MYH13: variants seen among roughly 807,000 people sequenced by gnomAD.
MYH13 encodes myosin heavy chain 13.
A neutral mutation model predicts 232.1 loss-of-function variants in MYH13; 177 were observed. The ratio of observed to expected loss-of-function variants is 0.76; its 90% confidence interval spans 0.67 to 0.86. The LOEUF (loss-of-function observed/expected upper bound fraction) is 0.86, where lower values mean the gene tolerates loss of function less well. Ranked by LOEUF, MYH13 falls within the 40% of genes least tolerant of loss-of-function variation. The pLI is 0.00. For synonymous variants in MYH13, 884 were observed against 923.5 expected (o/e 0.96, Z 0.78); for missense variants, 2,246 against 2,405.9 (o/e 0.93, Z 1.39).
Position 10,349,837 on chromosome 17 carries a change from C to T in MYH13, c.1144+719G>A, listed in dbSNP as rs181485612. On this transcript the variant is annotated intron_variant, in intron 12 of 40. Transcript: ENST00000252172. Reference sequence around the variant, plus strand: ...TTTTATTACTTGAGAGTTTAAAGCGCACTGCTTCACATACTGTGGGGCTGT... The same window carrying T: ...TTTTATTACTTGAGAGTTTAAAGCGTACTGCTTCACATACTGTGGGGCTGT... Among the ~76,000 whole-genome samples the T allele has an allele frequency of 3.8e-3, 572 of 152,258 alleles. 9 individuals carry two copies. The highest frequency in any genetic ancestry group is 0.013 in the African/African-American group (556 of 41,544).
rs753413014 is a variant in MYH13, at chr17:10,319,047, T to C, written c.3481A>G (p.Thr1161Ala). 6.2e-6 allele frequency: 10 copies of C among 1,614,052 alleles called. No homozygotes were observed. Among genetic ancestry groups the C allele is most frequent in the Non-Finnish European group, 6.8e-6 (8 of 1,180,046 alleles). The change falls in exon 27 of 41, where the codon ACT becomes GCT. Residue 1161 changes from threonine to alanine, a missense_variant. Thr to Ala is a moderately conservative substitution (Grantham distance 58, BLOSUM62 0). Transcript: ENST00000252172. ...TTGTTCATCTCAATCTGGGCTGAAG[T>C]GGCCCCACTGGCTTCTTCCAGCCTC... The part of the protein sequence containing the change: ...SERLEEASGA[T>A]SAQIEMNKKR...
Position 10,319,096 on chromosome 17 carries a change from G to A in MYH13, c.3432C>T (p.Ala1144=), listed in dbSNP as rs1906835423. 6.2e-7 allele frequency: 1 copy of A among 1,614,108 alleles called. No homozygotes were observed. The change falls in exon 27 of 41, where the codon GCC becomes GCT. Residue 1144 remains alanine, a synonymous_variant. Coordinates refer to ENST00000252172, the MANE Select transcript of MYH13 (RefSeq NM_003802.3). Reference sequence around the variant, plus strand: ...TCTCGCTGATCTCCTCCAGTTCCCTGGCCAGATCTGAGCGCTGCTTCTCAA... The same window carrying A: ...TCTCGCTGATCTCCTCCAGTTCCCTAGCCAGATCTGAGCGCTGCTTCTCAA... ...AKIEKQRSDL[A]RELEEISERL...
At chr17:10,322,222 C>T (rs1906973078) in intron 23 of MYH13, among the ~76,000 whole-genome samples, 1 of 124,688 alleles carries the variant, frequency 8.0e-6, no homozygotes, top group Non-Finnish European at 1.7e-5. Flanking sequence ...GAAACCTCGT[C>T]TCTACTAAAA....
Position 10,362,413 on chromosome 17 carries a change from C to G in MYH13, c.295G>C (p.Glu99Gln), listed in dbSNP as rs754959075. The stretch of plus-strand genomic sequence containing the variant: ...TTGAGGTTGTACAGAACAGCAGGTT[C>G]ATGCAGGTGAGTCATCATGGCCATG... ...EDMAMMTHLH[E>Q]PAVLYNLKER... Residue 99 changes from glutamate to glutamine, a missense_variant, in exon 4 of 41, where the codon GAA becomes CAA. Glu to Gln is a conservative substitution (Grantham distance 29, BLOSUM62 2). Coordinates refer to ENST00000252172, the MANE Select transcript of MYH13 (RefSeq NM_003802.3). 1 of 1,614,178 alleles carries G rather than the reference C, an allele frequency of 6.2e-7. No individual in the cohort carries two copies. Among genetic ancestry groups the G allele is most frequent in the Non-Finnish European group, 8.5e-7 (1 of 1,180,028 alleles).
intron 29 of MYH13, 69 bp downstream of exon 29, chr17:10,315,624 G>T: frequency 7.2e-7 from 1 of 1,394,054 alleles, no homozygotes; most frequent in Non-Finnish European, 1.0e-6. Context: ...GCACTGCTCT[G>T]ACCAGCTTCA....
intron 22 of MYH13, among the ~76,000 whole-genome samples, chr17:10,325,739 C>T (rs763168838): frequency 4.6e-5 from 7 of 152,286 alleles, no homozygotes; most frequent in African/African-American, 7.2e-5. Context: ...TGCAGTGGCG[C>T]GATCTCGGCT....
At chr17:10,319,518 AAAG>A (rs1343210369) in intron 26 of MYH13, among the ~76,000 whole-genome samples, 21 of 116,994 alleles carry the variant, frequency 1.8e-4, no homozygotes, top group Non-Finnish European at 1.5e-4. Context: ...CAAAAAAAAA[AAAG>A]AAGAATACAT....
chr17:10,348,388 G>A (rs1009086161), intron 12 of MYH13, among the ~76,000 whole-genome samples: 6 of 152,224 alleles, frequency 3.9e-5, no homozygotes, highest in Non-Finnish European at 7.3e-5. Context: ...TTAGGTTTAG[G>A]TTTTGGTTTT....
chr17:10,322,533 C>T (rs1353938176), intron 23 of MYH13, among the ~76,000 whole-genome samples: 1 of 152,024 alleles, frequency 6.6e-6, no homozygotes, highest in East Asian at 1.9e-4. Flanking sequence ...GCTTCCAGAT[C>T]AGAAGTTGCT....
At chr17:10,328,411 G>A (rs1033344886) in intron 21 of MYH13, among the ~76,000 whole-genome samples, 4 of 152,294 alleles carry the variant, frequency 2.6e-5, no homozygotes, top group African/African-American at 4.8e-5. Flanking sequence ...GCCTGAGGGC[G>A]TCCGTGACCT....
At chr17:10,311,827 C>A in intron 32 of MYH13, 84 bp downstream of exon 32, 1 of 1,502,804 alleles carries the variant, frequency 6.7e-7, no homozygotes, top group South Asian at 1.2e-5. Flanking sequence ...AAGGAGGTGT[C>A]TGGAGATGGC....
intron 18 of MYH13, among the ~76,000 whole-genome samples, chr17:10,338,937 G>A (rs985057612): frequency 2.6e-5 from 4 of 152,008 alleles, no homozygotes; most frequent in Admixed American, 6.6e-5. Flanking sequence ...TCCTGACCTC[G>A]TGATCCACCC....
rs116710897 is a variant in MYH13, at chr17:10,349,726, C to G, written c.1144+830G>C. Among the ~76,000 whole-genome samples, 648 of 152,192 alleles carry G rather than the reference C, an allele frequency of 4.3e-3. 7 individuals carry two copies. The highest frequency in any genetic ancestry group is 0.015 in the African/African-American group (610 of 41,532). On this transcript the variant is annotated intron_variant, in intron 12 of 40. Transcript: ENST00000252172. ...AAAGGGAGAATTATCCCAGGCAGGC[C>G]TAGGATAGAAGGTTGGTAAGCATTT...
chr17:10,368,177 T>A (rs889779608), intron 2 of MYH13, among the ~76,000 whole-genome samples: 2 of 152,238 alleles, frequency 1.3e-5, no homozygotes, highest in Non-Finnish European at 2.9e-5. Context: ...CAGTGTGATA[T>A]CATTTGAAAA....
rs575630594 is a variant in MYH13, at chr17:10,354,556, A to G, written c.1005+124T>C. On this transcript the variant is annotated intron_variant, in intron 11 of 40. Transcript: ENST00000252172. ...TAATTCTCTGAGCTCTTGATCTCTG[A>G]GATCTTGAGTCTAATCACTTAGTAT... 7.6e-5 allele frequency: 66 copies of G among 863,546 alleles called. No homozygotes were observed. In the African/African-American group the frequency reaches 1.1e-3, roughly 14 times the overall value. The allele number at this position is 863,546 out of a possible 1,614,324, so 53.5% of individuals were successfully genotyped here. A position where few individuals can be genotyped will look rare whatever the true frequency, so the allele number is the denominator to read the frequency against.
chr17:10,301,825 G>C (rs1906105196), intron 39 of MYH13, 122 bp from the exon 40 acceptor site: 3 of 1,325,994 alleles, frequency 2.3e-6, no homozygotes. Context: ...TGATGGCAGA[G>C]AGGGCAGGGA....
intron 23 of MYH13, among the ~76,000 whole-genome samples, chr17:10,322,872 G>A (rs1359722621): frequency 6.6e-5 from 10 of 151,878 alleles, no homozygotes; most frequent in South Asian, 4.2e-4. Flanking sequence ...TGACCTCGTG[G>A]TCTGCCCACC....
At chr17:10,339,792 G>T (rs1349740400) in intron 18 of MYH13, among the ~76,000 whole-genome samples, 1 of 152,106 alleles carries the variant, frequency 6.6e-6, no homozygotes, top group African/African-American at 2.4e-5. Flanking sequence ...ATTTTTCATT[G>T]TTTAACTGAA....
chr17:10,359,231 G>C (rs2071772607), intron 7 of MYH13, among the ~76,000 whole-genome samples: 1 of 152,166 alleles, frequency 6.6e-6, no homozygotes, highest in African/African-American at 2.4e-5. Flanking sequence ...GGAACTTTCA[G>C]CCCTATTCCT....
Sources: allele counts gnomAD v4.1 joint callset (sites outside exome capture counted in the v4.1 genomes callset), GRCh38; gene constraint gnomAD v4.1.1; transcripts MANE v1.5; gene names NCBI Gene and HGNC (gene_info 2026-07-23, HGNC 2026-07-21).